ZNF469: variants seen among roughly 807,000 people sequenced by gnomAD.
The protein encoded by ZNF469 is zinc finger protein 469.
Under a neutral mutation model 1.0 loss-of-function variants are expected in ZNF469, and 1 was observed. That is an observed-to-expected ratio of 1.00 (90% CI 0.35 to 4.73). The LOEUF is 4.73. Among genes scored for constraint, ZNF469 ranks in the 30% most tolerant of loss-of-function variants. The pLI, the probability that ZNF469 is intolerant of heterozygous loss-of-function variation, is 0.16. For synonymous variants in ZNF469, 2,703 were observed against 2,363.4 expected, an observed-to-expected ratio of 1.14 and a Z score of -4.17; for missense variants, 6,100 against 5,356.3, an observed-to-expected ratio of 1.14 and a Z score of -4.33.
the ZNF469 span, among the ~76,000 whole-genome samples, chr16:88,219,832 C>G: frequency 6.6e-6 from 1 of 152,190 alleles, no homozygotes; most frequent in African/African-American, 2.4e-5. Context: ...CCACCAAGAG[C>G]TCAGCTCTTT....
At chr16:88,334,295 G>A in the ZNF469 span, among the ~76,000 whole-genome samples, 4 of 152,158 alleles carry the variant, frequency 2.6e-5, no homozygotes, top group Non-Finnish European at 4.4e-5. Context: ...AAAATTCTGG[G>A]GATGGATGGT....
At chr16:88,122,620 C>G in the ZNF469 span, among the ~76,000 whole-genome samples, 1 of 152,028 alleles carries the variant, frequency 6.6e-6, no homozygotes, top group Non-Finnish European at 1.5e-5. Flanking sequence ...ATAAGAAGGT[C>G]AAGCATTTAC....
At chr16:88,180,172 A>G in the ZNF469 span, among the ~76,000 whole-genome samples, 1 of 152,218 alleles carries the variant, frequency 6.6e-6, no homozygotes. Context: ...CGGAAAAATT[A>G]TTTAAAAAGA....
the ZNF469 span, among the ~76,000 whole-genome samples, chr16:88,308,711 A>G: frequency 1.8e-3 from 271 of 152,292 alleles, 1 homozygote; most frequent in African/African-American, 6.1e-3. Flanking sequence ...CATGAGGTCC[A>G]TGGGATGCAA....
chr16:88,128,566 G>C, the ZNF469 span, among the ~76,000 whole-genome samples: 2 of 152,178 alleles, frequency 1.3e-5, no homozygotes, highest in Non-Finnish European at 2.9e-5. Flanking sequence ...AAAGGTGTGG[G>C]CACTCCCTTT....
chr16:88,108,535 G>A, the ZNF469 span, among the ~76,000 whole-genome samples: 3 of 152,322 alleles, frequency 2.0e-5, no homozygotes, highest in African/African-American at 7.2e-5. Context: ...ACTTCTGGGG[G>A]TGAGGATCTT....
chr16:88,358,301 G>A, the ZNF469 span, among the ~76,000 whole-genome samples: 6 of 152,308 alleles, frequency 3.9e-5, no homozygotes, highest in East Asian at 1.9e-4. Context: ...GTCCACACCC[G>A]GGGGAGGGGG....
the ZNF469 span, among the ~76,000 whole-genome samples, chr16:88,116,278 A>C: frequency 1.3e-5 from 2 of 152,140 alleles, no homozygotes; most frequent in Admixed American, 6.5e-5. Flanking sequence ...AGGGATTGCC[A>C]CACCCCCATG....
chr16:88,135,909 G>T, the ZNF469 span, among the ~76,000 whole-genome samples: 4,403 of 151,698 alleles, frequency 0.029, 212 homozygotes, highest in African/African-American at 0.1. Flanking sequence ...TACAGGCGCC[G>T]GCCAACACGC....
the ZNF469 span, among the ~76,000 whole-genome samples, chr16:88,249,770 C>G: frequency 2.0e-5 from 3 of 152,298 alleles, no homozygotes; most frequent in East Asian, 5.8e-4. Flanking sequence ...CAGGGTCTTG[C>G]TATTTTGCCC....
chr16:88,310,441 T>A, the ZNF469 span, among the ~76,000 whole-genome samples: 1 of 152,104 alleles, frequency 6.6e-6, no homozygotes, highest in Non-Finnish European at 1.5e-5. Flanking sequence ...CAGCCCTGCG[T>A]GCTGCCCCTT....
At chr16:88,161,802 G>A in the ZNF469 span, among the ~76,000 whole-genome samples, 4 of 152,186 alleles carry the variant, frequency 2.6e-5, no homozygotes, top group Non-Finnish European at 5.9e-5. Context: ...GCCAGATGAC[G>A]TGAGCTTGCG....
the ZNF469 span, among the ~76,000 whole-genome samples, chr16:88,279,994 C>T: frequency 6.6e-6 from 1 of 151,360 alleles, no homozygotes; most frequent in Admixed American, 6.6e-5. Context: ...GATATCAGTG[C>T]ACGGTTAGTG....
At position 88,435,537 on chromosome 16, in the gene ZNF469, G is replaced by A. The variant is rs116213189; in HGVS notation, c.8067G>A (p.Gly2689=). The change falls in exon 3 of 3, where the codon GGG becomes GGA. Residue 2689 remains glycine (G), a synonymous_variant. Coordinates refer to ENST00000565624, the MANE Select transcript of ZNF469 (RefSeq NM_001367624.2). Reference sequence around the variant, plus strand: ...TGGAAGGAGGGCCTGAGGCTGACGGGGAGCAGCCGCCTCGCTTGGCCACTC... The same window carrying A: ...TGGAAGGAGGGCCTGAGGCTGACGGAGAGCAGCCGCCTCGCTTGGCCACTC... ...LSVEGGPEAD[G]EQPPRLATLG... 1,869 of 1,549,602 alleles carry A rather than the reference G, an allele frequency of 1.2e-3. 23 individuals are homozygous for A. In the African/African-American group the frequency reaches 0.022, roughly 18 times the overall value.
chr16:88,274,199 A>C, the ZNF469 span, among the ~76,000 whole-genome samples: 72 of 152,322 alleles, frequency 4.7e-4, no homozygotes, highest in African/African-American at 1.7e-3. Flanking sequence ...CCAGACACAA[A>C]AAGACAAAAA....
At chr16:88,272,696 G>A in the ZNF469 span, among the ~76,000 whole-genome samples, 465 of 136,074 alleles carry the variant, frequency 3.4e-3, 4 homozygotes, top group African/African-American at 0.012. Flanking sequence ...ACGAGTGGAC[G>A]GATGGATGAA....
intron 1 of ZNF469, among the ~76,000 whole-genome samples, chr16:88,413,457 G>A (rs1905228818): frequency 1.3e-5 from 2 of 152,258 alleles, no homozygotes; most frequent in Admixed American, 6.5e-5. Flanking sequence ...TCCCAGCACA[G>A]ATGTGTTTTC....
intron 1 of ZNF469, among the ~76,000 whole-genome samples, chr16:88,421,780 T>G (rs1452164938): frequency 9.9e-5 from 15 of 152,246 alleles, no homozygotes; most frequent in Admixed American, 9.8e-4. Context: ...AATCTCAGCT[T>G]GGCTGTGTCA....
chr16:88,213,661 C>G, the ZNF469 span, among the ~76,000 whole-genome samples: 1 of 152,170 alleles, frequency 6.6e-6, no homozygotes, highest in African/African-American at 2.4e-5. Flanking sequence ...CCTCCTCCCC[C>G]AAAAGGGTTG....
Sources: gnomAD v4.1 joint callset for allele counts (sites outside exome capture counted in the v4.1 genomes callset) on GRCh38, gnomAD v4.1.1 for gene constraint, MANE v1.5 for transcripts, NCBI Gene and HGNC (gene_info 2026-07-23, HGNC 2026-07-21) for gene names.